The following TNRC6B variants were observed in gnomAD, a reference collection of about 807,000 sequenced individuals.
TNRC6B encodes the protein trinucleotide repeat-containing gene 6B protein.
TNRC6B carries 52 observed loss-of-function variants against 203.6 expected under a neutral mutation model. The ratio of observed to expected loss-of-function variants is 0.26; its 90% CI spans 0.20 to 0.32. The LOEUF is 0.32. Among genes scored for constraint, TNRC6B ranks in the 10% least tolerant of loss-of-function variants. The probability of loss-of-function intolerance (pLI) is 1.00; values close to 1 mark genes in which losing one functional copy is unlikely to be tolerated. For synonymous variants in TNRC6B, 838 were observed against 845.7 expected (o/e 0.99, Z 0.16); for missense variants, 1,923 against 2,286.2 (o/e 0.84, Z 3.24).
intron 1 of TNRC6B, among the ~76,000 whole-genome samples, chr22:40,182,017 G>A (rs2069137544): frequency 6.6e-6 from 1 of 151,350 alleles, no homozygotes; most frequent in Admixed American, 6.6e-5. Context: ...AGGTCGAGGT[G>A]AGTGGATACG....
chr22:40,102,637 A>G (rs2068249515), intron 1 of TNRC6B, among the ~76,000 whole-genome samples: 1 of 152,122 alleles, frequency 6.6e-6, no homozygotes, highest in South Asian at 2.1e-4. Flanking sequence ...TTAGATATAC[A>G]ATTAAAACAT....
chr22:40,164,438 T>G (rs2068899744), intron 4 of TNRC6B, among the ~76,000 whole-genome samples: 3 of 150,678 alleles, frequency 2.0e-5, no homozygotes, highest in Admixed American at 2.0e-4. Context: ...CATGTCATGT[T>G]CCACTTTATT....
At chr22:40,273,370 C>T (rs2070591269) in intron 6 of TNRC6B, 55 bp from the exon 7 acceptor site, 2 of 1,443,718 alleles carry the variant, frequency 1.4e-6, no homozygotes, top group Non-Finnish European at 1.8e-6. Context: ...AATTATTATT[C>T]TGATGATTGT....
intron 1 of TNRC6B, among the ~76,000 whole-genome samples, chr22:40,088,052 T>C (rs1014240352): frequency 2.6e-5 from 4 of 152,106 alleles, no homozygotes; most frequent in African/African-American, 7.2e-5. Flanking sequence ...TACTTAAGAG[T>C]GAAAGAAACT....
intron 1 of TNRC6B, among the ~76,000 whole-genome samples, chr22:40,061,183 A>G (rs1470246992): frequency 2.6e-5 from 4 of 152,138 alleles, no homozygotes; most frequent in African/African-American, 4.8e-5. Flanking sequence ...TTATTTGTGC[A>G]TTTGAAAGGA....
At chr22:40,170,951 G>T (rs1299718561) in intron 4 of TNRC6B, among the ~76,000 whole-genome samples, 1 of 144,370 alleles carries the variant, frequency 6.9e-6, no homozygotes, top group Non-Finnish European at 1.5e-5. Context: ...ACATATAGGT[G>T]TATATATACA....
At position 40,178,052 on chromosome 22, in the gene TNRC6B, AAG is replaced by A; in HGVS notation, c.-82_-81del. On this transcript the variant is annotated 5_prime_UTR_variant, in exon 1 of 23. Coordinates refer to ENST00000454349, the MANE Select transcript of TNRC6B (RefSeq NM_001162501.2). ...AAATACAAAAAAACAGATAGACAAA[AAG>A]AATTCATTTTTTGGACCTTTTTTCA... The A allele has an allele frequency of 4.4e-6, 7 of 1,589,630 alleles. No homozygotes were observed. Among genetic ancestry groups the A allele is most frequent in the African/African-American group, 1.4e-5 (1 of 73,154 alleles).
At chr22:40,086,718 T>G (rs2068102550) in intron 1 of TNRC6B, among the ~76,000 whole-genome samples, 1 of 152,224 alleles carries the variant, frequency 6.6e-6, no homozygotes, top group Non-Finnish European at 1.5e-5. Flanking sequence ...AATTTTTTCT[T>G]CTATGAAATA....
At chr22:40,163,061 C>A (rs1171191219) in intron 4 of TNRC6B, among the ~76,000 whole-genome samples, 1 of 151,932 alleles carries the variant, frequency 6.6e-6, no homozygotes, top group Non-Finnish European at 1.5e-5. Context: ...GTAATAAATT[C>A]TGAATTCTAT....
chr22:40,096,946 A>G (rs2068190464), intron 1 of TNRC6B, among the ~76,000 whole-genome samples: 1 of 152,252 alleles, frequency 6.6e-6, no homozygotes, highest in Non-Finnish European at 1.5e-5. Flanking sequence ...AAATGACACA[A>G]AAGGTTATCA....
chr22:40,059,148 A>G (rs568167194), intron 1 of TNRC6B, among the ~76,000 whole-genome samples: 26 of 152,190 alleles, frequency 1.7e-4, no homozygotes, highest in Admixed American at 1.4e-3. Flanking sequence ...CCCATGCTCT[A>G]TAAAGGTTTG....
intron 1 of TNRC6B, among the ~76,000 whole-genome samples, chr22:40,240,212 T>C (rs2070009823): frequency 6.6e-6 from 1 of 152,214 alleles, no homozygotes; most frequent in South Asian, 2.1e-4. Flanking sequence ...AAGAAAACAC[T>C]GTTGTATTCG....
Position 40,301,266 on chromosome 22 carries a change from A to C in TNRC6B, c.4053A>C (p.Val1351=). 1 of 1,587,852 alleles carries C rather than the reference A, an allele frequency of 6.3e-7. No individual in the cohort carries two copies. Among genetic ancestry groups the C allele is most frequent in the Non-Finnish European group, 8.6e-7 (1 of 1,166,030 alleles). The change falls in exon 15 of 23, where the codon GTA becomes GTC. Residue 1351 remains valine, a synonymous_variant. Transcript: ENST00000454349. The part of the protein sequence containing the change: ...VGPKPHLDNM[V]PNALNVGLPD... Reference sequence around the variant, plus strand: ...CCAAGCCGCATCTGGACAACATGGTACCCAACGCATTGAATGTGGGGCTCC... The same window carrying C: ...CCAAGCCGCATCTGGACAACATGGTCCCCAACGCATTGAATGTGGGGCTCC...
chr22:40,301,562 C>G (rs1481940635), intron 15 of TNRC6B: 15 of 546,442 alleles, frequency 2.7e-5, no homozygotes, highest in Non-Finnish European at 4.8e-5. Flanking sequence ...ACTTCTCTGG[C>G]TCCAAAGCAG....
intron 1 of TNRC6B, among the ~76,000 whole-genome samples, chr22:40,070,284 G>T (rs1466531736): frequency 6.6e-6 from 1 of 152,114 alleles, no homozygotes; most frequent in African/African-American, 2.4e-5. Flanking sequence ...TTGTGATTTA[G>T]TAACTTCTTG....
At chr22:40,159,980 T>TA (rs1284742452) in intron 4 of TNRC6B, among the ~76,000 whole-genome samples, 1 of 152,060 alleles carries the variant, frequency 6.6e-6, no homozygotes, top group African/African-American at 2.4e-5. Context: ...CCCAGCTAAT[T>TA]AAAAAAAATT....
chr22:40,165,639 T>C (rs2068912668), intron 4 of TNRC6B, among the ~76,000 whole-genome samples: 1 of 152,222 alleles, frequency 6.6e-6, no homozygotes, highest in Non-Finnish European at 1.5e-5. Context: ...AGAAGTTTAA[T>C]TGACTCACAC....
chr22:40,299,889 C>T (rs899586536), intron 12 of TNRC6B, among the ~76,000 whole-genome samples: 1 of 152,250 alleles, frequency 6.6e-6, no homozygotes, highest in East Asian at 1.9e-4. Context: ...TCGCCTAGCT[C>T]ACTCCTGAGA....
At chr22:40,280,741 C>T (rs1287148028) in intron 10 of TNRC6B, among the ~76,000 whole-genome samples, 3 of 152,190 alleles carry the variant, frequency 2.0e-5, no homozygotes, top group East Asian at 1.9e-4. Context: ...AAATCTGGCA[C>T]GTTTTGACAC....
Sources: gnomAD v4.1 joint callset for allele counts (sites outside exome capture counted in the v4.1 genomes callset) on GRCh38, gnomAD v4.1.1 for gene constraint, MANE v1.5 for transcripts, NCBI Gene and HGNC (gene_info 2026-07-23, HGNC 2026-07-21) for gene names.